Variants in PLCB1 observed in about 807,000 individuals in gnomAD.
PLCB1 encodes 1-phosphatidylinositol 4,5-bisphosphate phosphodiesterase beta-1.
A neutral mutation model predicts 161.8 loss-of-function variants in PLCB1; 46 were observed. That is an observed-to-expected ratio of 0.28 (90% CI 0.22 to 0.36). The LOEUF (loss-of-function observed/expected upper bound fraction) is 0.36, where lower values mean the gene tolerates loss of function less well. Among genes scored for constraint, PLCB1 ranks in the 10% least tolerant of loss-of-function variants. The pLI, the probability that PLCB1 is intolerant of heterozygous loss-of-function variation, is 1.00. For missense variants in PLCB1, 1,016 were observed against 1,472.5 expected (o/e 0.69, Z 5.07); for synonymous variants, 517 against 503.7 (o/e 1.03, Z -0.35).
chr20:8,572,728 A>T (rs1282503120), intron 3 of PLCB1, among the ~76,000 whole-genome samples: 2 of 152,168 alleles, frequency 1.3e-5, no homozygotes, highest in Non-Finnish European at 2.9e-5. Context: ...TCAAAGATAA[A>T]ATGATGGAGA....
rs570481466 is a variant in PLCB1, at chr20:8,652,367, A to G, written c.594+2918A>G. 2.6e-5 allele frequency: 4 copies of G among 152,238 alleles called. No homozygotes were observed. In the South Asian group the frequency reaches 8.3e-4, roughly 32 times the overall value. 9.4% of individuals were successfully genotyped at this position (152,238 alleles called of 1,614,324 possible). Reference sequence around the variant, plus strand: ...AAAGTATAATTTACTTGGATGACTTATAGAATTAGAATGCTTTTTAAAAAT... The same window carrying G: ...AAAGTATAATTTACTTGGATGACTTGTAGAATTAGAATGCTTTTTAAAAAT... On this transcript the variant is annotated intron_variant, in intron 7 of 31. Coordinates refer to ENST00000338037, the MANE Select transcript of PLCB1 (RefSeq NM_015192.4).
At chr20:8,792,578 T>G (rs1237484301) in intron 31 of PLCB1, 2 of 471,192 alleles carry the variant, frequency 4.2e-6, no homozygotes, top group Non-Finnish European at 8.8e-6. Context: ...CGTTTTTTAT[T>G]GTAAATAGGT....
At chr20:8,602,252 A>G (rs1987610645) in intron 3 of PLCB1, among the ~76,000 whole-genome samples, 1 of 152,192 alleles carries the variant, frequency 6.6e-6, no homozygotes, top group Admixed American at 6.6e-5. Context: ...GACTCTTGGT[A>G]TTCCTAGAAT....
At chr20:8,382,289 T>C (rs1027235640) in intron 3 of PLCB1, among the ~76,000 whole-genome samples, 19 of 149,034 alleles carry the variant, frequency 1.3e-4, no homozygotes, top group African/African-American at 3.2e-4. Flanking sequence ...TTTTCTTTTT[T>C]TTTTTTTTTT....
chr20:8,555,582 A>T (rs1985925253), intron 3 of PLCB1, among the ~76,000 whole-genome samples: 1 of 152,120 alleles, frequency 6.6e-6, no homozygotes, highest in Admixed American at 6.6e-5. Flanking sequence ...ATCTATCTCC[A>T]TGTATTTCCT....
At chr20:8,678,565 C>G (rs74445925) in intron 9 of PLCB1, among the ~76,000 whole-genome samples, 4 of 152,132 alleles carry the variant, frequency 2.6e-5, no homozygotes, top group Non-Finnish European at 5.9e-5. Context: ...AGCAGATAAC[C>G]CTTGGCTTCT....
chr20:8,157,207 G>T (rs1314968373), intron 2 of PLCB1, among the ~76,000 whole-genome samples: 1 of 152,200 alleles, frequency 6.6e-6, no homozygotes, highest in Non-Finnish European at 1.5e-5. Flanking sequence ...TCCATCATAG[G>T]TGAAAGTTTC....
chr20:8,710,685 T>C (rs1204406735), intron 12 of PLCB1, among the ~76,000 whole-genome samples: 1 of 151,988 alleles, frequency 6.6e-6, no homozygotes, highest in African/African-American at 2.4e-5. Context: ...CAGCTAATTT[T>C]GTATTTTTAG....
intron 3 of PLCB1, among the ~76,000 whole-genome samples, chr20:8,379,364 G>A (rs1354366352): frequency 6.6e-6 from 1 of 152,118 alleles, no homozygotes; most frequent in Non-Finnish European, 1.5e-5. Flanking sequence ...ATGGGTGTTT[G>A]GGTTGGTTCC....
chr20:8,544,783 G>A (rs887851733), intron 3 of PLCB1, among the ~76,000 whole-genome samples: 1 of 152,110 alleles, frequency 6.6e-6, no homozygotes, highest in Non-Finnish European at 1.5e-5. Flanking sequence ...CCCCAAATGG[G>A]ACCAGCACCC....
intron 3 of PLCB1, among the ~76,000 whole-genome samples, chr20:8,539,065 G>GCATGAGC (rs1486313972): frequency 6.6e-6 from 1 of 152,066 alleles, no homozygotes; most frequent in Non-Finnish European, 1.5e-5. Flanking sequence ...GGGGTTACAG[G>GCATGAGC]CATGAGCCAC....
chr20:8,779,714 G>A (rs1983121088), intron 27 of PLCB1, among the ~76,000 whole-genome samples: 1 of 152,100 alleles, frequency 6.6e-6, no homozygotes, highest in Non-Finnish European at 1.5e-5. Context: ...CTTGTCATAT[G>A]GTCAAGTTGA....
At chr20:8,586,972 A>G (rs1731621633) in intron 3 of PLCB1, among the ~76,000 whole-genome samples, 1 of 152,122 alleles carries the variant, frequency 6.6e-6, no homozygotes, top group Non-Finnish European at 1.5e-5. Context: ...TTTTAGTTTG[A>G]AAGTATGGGG....
intron 2 of PLCB1, among the ~76,000 whole-genome samples, chr20:8,359,786 G>A (rs1460173791): frequency 6.6e-6 from 1 of 152,088 alleles, no homozygotes; most frequent in Non-Finnish European, 1.5e-5. Flanking sequence ...AACTATTTTC[G>A]AGGACATTTT....
intron 9 of PLCB1, among the ~76,000 whole-genome samples, chr20:8,683,225 C>T (rs113625492): frequency 7.9e-5 from 12 of 151,980 alleles, no homozygotes; most frequent in Non-Finnish European, 1.2e-4. Context: ...TACACACACA[C>T]GGGTATTTTT....
intron 1 of PLCB1, among the ~76,000 whole-genome samples, chr20:8,134,205 C>T (rs2051320662): frequency 6.6e-6 from 1 of 152,034 alleles, no homozygotes; most frequent in Non-Finnish European, 1.5e-5. Context: ...AGATTAAATG[C>T]TTTGTGTCAG....
At chr20:8,728,957 T>C (rs1980085614) in intron 17 of PLCB1, 93 bp from the exon 18 acceptor site, 3 of 839,158 alleles carry the variant, frequency 3.6e-6, no homozygotes, top group African/African-American at 1.8e-5. Context: ...TACTTCATTT[T>C]CCAAATGGAG....
intron 3 of PLCB1, among the ~76,000 whole-genome samples, chr20:8,608,764 A>T (rs564556924): frequency 1.3e-5 from 2 of 152,334 alleles, no homozygotes; most frequent in South Asian, 4.1e-4. Context: ...AGGAATGAGG[A>T]TAAGAAATAA....
chr20:8,577,577 G>A lies in PLCB1; in HGVS notation c.247-50717G>A, dbSNP rs189624469. Among the ~76,000 whole-genome samples, 26 of 151,898 alleles carry A rather than the reference G, an allele frequency of 1.7e-4. No homozygotes were observed. The East Asian group carries it at 3.3e-3, about 19-fold the overall frequency. On this transcript the variant is annotated intron_variant, in intron 3 of 31. Transcript: ENST00000338037. Reference sequence around the variant, plus strand: ...ATCAAAATATTAATAATTCCCCCACGATATGTGTCCTAGTTTAGTTTATAA... The same window carrying A: ...ATCAAAATATTAATAATTCCCCCACAATATGTGTCCTAGTTTAGTTTATAA...
Sources: allele counts gnomAD v4.1 joint callset (sites outside exome capture counted in the v4.1 genomes callset), GRCh38; gene constraint gnomAD v4.1.1; transcripts MANE v1.5; gene names NCBI Gene and HGNC (gene_info 2026-07-23, HGNC 2026-07-21).